TRIM68: variants seen among roughly 807,000 people sequenced by gnomAD.
TRIM68 encodes the protein E3 ubiquitin-protein ligase TRIM68.
In TRIM68, 36 loss-of-function variants were observed where a neutral mutation model predicts 41.9. The observed-to-expected ratio is 0.86, with a 90% confidence interval of 0.66 to 1.14. The LOEUF is 1.14. Ranked by LOEUF, TRIM68 falls within the 50% of genes most tolerant of loss-of-function variation. TRIM68 has a pLI of 0.00. For synonymous variants in TRIM68, 225 were observed against 224.6 expected (o/e 1.00, Z -0.02); for missense variants, 632 against 605.1 (o/e 1.04, Z -0.47).
At chr11:4,602,965 A>G (rs967478658) in intron 3 of TRIM68, among the ~76,000 whole-genome samples, 1 of 152,268 alleles carries the variant, frequency 6.6e-6, no homozygotes, top group East Asian at 1.9e-4. Context: ...GATATAAGCC[A>G]TGCCACTGTG....
rs1225595217 is a variant in TRIM68 at position 4,603,239 on chromosome 11, A to G, written c.522+6T>C. The stretch of plus-strand genomic sequence containing the variant: ...CACAAACTCCTTTCCCCACGAGGCA[A>G]CCTGCCTTCCAGGTGGCAGTTCGTT... On this transcript the variant is annotated splice_donor_region_variant and intron_variant, in intron 3 of 6. Coordinates refer to ENST00000300747, the MANE Select transcript of TRIM68 (RefSeq NM_018073.8). The G allele has an allele frequency of 6.2e-7, 1 of 1,614,092 alleles. No individual in the cohort carries two copies. The highest frequency in any genetic ancestry group is 8.5e-7 in the Non-Finnish European group (1 of 1,179,942).
In TRIM68 at chr11:4,605,015, T is replaced by G. The variant is rs1216757516; in HGVS notation, c.426+64A>C. 5.7e-6 allele frequency: 9 copies of G among 1,567,652 alleles called. No homozygotes were observed. The East Asian group carries it at 1.6e-4, about 27-fold the overall frequency. On this transcript the variant is annotated intron_variant, in intron 2 of 6. Coordinates refer to ENST00000300747, the MANE Select transcript of TRIM68 (RefSeq NM_018073.8). ...GTCTGTGGTGCTGGTGGTCAAGCCC[T>G]TGATCTAGAAACAGCCAACTTGGGG...
intron 3 of TRIM68, 67 bp from the exon 4 acceptor site, chr11:4,602,479 T>A: frequency 6.3e-7 from 1 of 1,580,854 alleles, no homozygotes; most frequent in Non-Finnish European, 8.6e-7. Flanking sequence ...TACTGACATA[T>A]GCATACACAC....
rs1348094347 is a variant in TRIM68, at chr11:4,602,383, A to G, written c.552T>C (p.Ile184=). The G allele has an allele frequency of 2.5e-5, 41 of 1,613,756 alleles. 1 individual carries two copies. The highest frequency in any genetic ancestry group is 3.5e-5 in the Non-Finnish European group (41 of 1,180,000). ...KIQVETRKQS[I]VWEFEKYQRL... ...GCTGGTATTTTTCAAACTCCCATAC[A>G]ATACTCTGTTTTCGGGTTTCCACCT... Residue 184 remains isoleucine, a synonymous_variant, in exon 4 of 7, where the codon ATT becomes ATC. Coordinates refer to ENST00000300747, the MANE Select transcript of TRIM68 (RefSeq NM_018073.8).
At position 4,601,588 on chromosome 11, in the gene TRIM68, G is replaced by T. The variant is rs149657427; in HGVS notation, c.806+76C>A. ...TCTGTGTGCACCGAGTCTGTGCTCC[G>T]TCCCTACTTCTGGCTCTAGTTAGGC... On this transcript the variant is annotated intron_variant, in intron 5 of 6. Transcript: ENST00000300747. 3,943 of 1,523,350 alleles carry T rather than the reference G, an allele frequency of 2.6e-3. 23 individuals carry two copies. The highest frequency in any genetic ancestry group is 8.8e-3 in the Middle Eastern group (51 of 5,808). 94.4% of individuals were successfully genotyped at this position (1,523,350 alleles called of 1,614,324 possible).
rs145681325 is a variant in TRIM68, at chr11:4,607,855, A to C, written c.-58+172T>G. Among the ~76,000 whole-genome samples the C allele has an allele frequency of 2.6e-3, 393 of 152,206 alleles. 2 individuals are homozygous for C. The highest frequency in any genetic ancestry group is 8.7e-3 in the African/African-American group (361 of 41,550). ...AGGGGGCGGGGCCTGGAAGACTTCC[A>C]GTTAGGACCCCAGCGGGAAGGGAGT... On this transcript the variant is annotated intron_variant, in intron 1 of 6. Coordinates refer to ENST00000300747, the MANE Select transcript of TRIM68 (RefSeq NM_018073.8).
At chr11:4,603,438 C>T in intron 2 of TRIM68, 98 bp from the exon 3 acceptor site, 2 of 1,079,022 alleles carry the variant, frequency 1.9e-6, no homozygotes, top group East Asian at 2.4e-5. Flanking sequence ...GGCAACCGGC[C>T]ACAGTGAAGG....
At chr11:4,604,403 A>C (rs939215930) in intron 2 of TRIM68, among the ~76,000 whole-genome samples, 1 of 152,204 alleles carries the variant, frequency 6.6e-6, no homozygotes, top group South Asian at 2.1e-4. Flanking sequence ...GTTAGCTACA[A>C]AAAAGGAGTC....
In TRIM68 at chr11:4,605,387, G is replaced by C; in HGVS notation, c.118C>G (p.Leu40Val). ...DCGHSFCHSC[L>V]SGLWEIPGES... ...CCTGGGATCTCCCAGAGTCCAGAGA[G>C]ACAGCTGTGGCAGAAGCTGTGGCCA... The change falls in exon 2 of 7, where the codon CTC becomes GTC. Residue 40 changes from leucine to valine, a missense_variant. Coordinates refer to ENST00000300747, the MANE Select transcript of TRIM68 (RefSeq NM_018073.8). 1.2e-6 allele frequency: 2 copies of C among 1,614,226 alleles called. No individual in the cohort carries two copies. Among genetic ancestry groups the C allele is most frequent in the Non-Finnish European group, 1.7e-6 (2 of 1,180,038 alleles).
intron 3 of TRIM68, 130 bp downstream of exon 3, chr11:4,603,115 A>T: frequency 1.1e-6 from 1 of 880,342 alleles, no homozygotes; most frequent in Non-Finnish European, 1.8e-6. Context: ...GAAAGCAGGG[A>T]TTAGAACCCT....
rs1321359668 is a variant in TRIM68, at chr11:4,605,193, C to A, written c.312G>T (p.Lys104Asn). 1.2e-6 allele frequency: 2 copies of A among 1,614,262 alleles called. No homozygotes were observed. The highest frequency in any genetic ancestry group is 1.3e-5 in the African/African-American group (1 of 75,074). Residue 104 changes from lysine to asparagine, a missense_variant, in exon 2 of 7, where the codon AAG becomes AAT. Lys to Asn is a moderately conservative substitution (Grantham distance 94). Coordinates refer to ENST00000300747, the MANE Select transcript of TRIM68 (RefSeq NM_018073.8). ...KGDLCERHGE[K>N]LKMFCKEDVL... ...CATCCTCTTTGCAGAACATCTTCAG[C>A]TTTTCCCCATGGCGCTCACACAGGT...
At chr11:4,604,284 G>A (rs146256191) in intron 2 of TRIM68, among the ~76,000 whole-genome samples, 120 of 152,364 alleles carry the variant, frequency 7.9e-4, no homozygotes, top group Admixed American at 3.9e-3. Context: ...TGAGACCAAT[G>A]CTGGATCACT....
At chr11:4,603,407 T>C (rs768534005) in intron 2 of TRIM68, 67 bp from the exon 3 acceptor site, 36 of 1,489,724 alleles carry the variant, frequency 2.4e-5, no homozygotes, top group Non-Finnish European at 3.0e-5. Context: ...TGGGAGGCTA[T>C]GGGAGAACCA....
chr11:4,605,550 A>T lies in TRIM68; in HGVS notation c.-46T>A, dbSNP rs753508691. ...TCAGAACATGAATGAAACCAGGGAG[A>T]AGTAGTAAAGGCTGAGAAGAAGAAA... On this transcript the variant is annotated 5_prime_UTR_variant, in exon 2 of 7. Transcript: ENST00000300747. 3.9e-6 allele frequency: 6 copies of T among 1,519,252 alleles called. No individual in the cohort carries two copies. Among genetic ancestry groups the T allele is most frequent in the Non-Finnish European group, 5.3e-6 (6 of 1,123,162 alleles). The allele number at this position is 1,519,252 out of a possible 1,614,324, so 94.1% of individuals were successfully genotyped here.
intron 1 of TRIM68, 21 bp from the exon 2 acceptor site, chr11:4,605,582 A>T: frequency 7.2e-7 from 1 of 1,384,838 alleles, no homozygotes; most frequent in Non-Finnish European, 9.8e-7. Flanking sequence ...GAAAAGAAAG[A>T]CAAATAAGAG....
At position 4,605,477 on chromosome 11, in the gene TRIM68, T is replaced by C; in HGVS notation, c.28A>G (p.Ile10Val). The C allele has an allele frequency of 6.2e-7, 1 of 1,611,138 alleles. No individual in the cohort carries two copies. Among genetic ancestry groups the C allele is most frequent in the South Asian group, 1.1e-5 (1 of 90,986 alleles). Residue 10 changes from isoleucine to valine, a missense_variant, in exon 2 of 7, where the codon ATT becomes GTT. Physicochemically the swap from Ile to Val is conservative, Grantham distance 29. Coordinates refer to ENST00000300747, the MANE Select transcript of TRIM68 (RefSeq NM_018073.8). Reference protein sequence around the residue: MDPTALVEAIVEEVACPICM... With the variant: MDPTALVEAVVEEVACPICM... ...ATGGGACAGGCCACTTCTTCCACAA[T>C]GGCTTCCACCAAGGCTGTGGGATCC...
chr11:4,607,218 C>T (rs1035095849), intron 1 of TRIM68, among the ~76,000 whole-genome samples: 12 of 152,334 alleles, frequency 7.9e-5, no homozygotes, highest in Non-Finnish European at 1.6e-4. Flanking sequence ...GCCATGTATT[C>T]GTCTATTGTC....
chr11:4,604,609 GC>G (rs561573478), intron 2 of TRIM68, among the ~76,000 whole-genome samples: 174 of 152,248 alleles, frequency 1.1e-3, no homozygotes, highest in African/African-American at 3.8e-3. Flanking sequence ...AAAATAAATT[GC>G]CATGTTTTCA....
chr11:4,603,122 C>A lies in TRIM68; in HGVS notation c.522+123G>T, dbSNP rs1846517709. ...GGGACAGAGAAAGCAGGGATTAGAACCCTAGGCTCTGTGATTTCAAGCCTC... is the reference window on the plus strand; with the variant it reads ...GGGACAGAGAAAGCAGGGATTAGAAACCTAGGCTCTGTGATTTCAAGCCTC... On this transcript the variant is annotated intron_variant, in intron 3 of 6. Coordinates refer to ENST00000300747, the MANE Select transcript of TRIM68 (RefSeq NM_018073.8). 4 of 942,546 alleles carry A rather than the reference C, an allele frequency of 4.2e-6. No individual in the cohort carries two copies. The South Asian group carries it at 5.7e-5, about 13-fold the overall frequency. The allele number at this position is 942,546 out of a possible 1,614,324, so 58.4% of individuals were successfully genotyped here.
Sources: gnomAD v4.1 joint callset for allele counts (sites outside exome capture counted in the v4.1 genomes callset) on GRCh38, gnomAD v4.1.1 for gene constraint, MANE v1.5 for transcripts, NCBI Gene and HGNC (gene_info 2026-07-23, HGNC 2026-07-21) for gene names.